The following RPS6KA2 variants were observed in gnomAD, a reference collection of about 807,000 sequenced individuals.
RPS6KA2 encodes ribosomal protein S6 kinase alpha-2.
In RPS6KA2, 42 loss-of-function variants were observed where a neutral mutation model predicts 91.8. The observed-to-expected ratio is 0.46, with a 90% CI of 0.36 to 0.59. RPS6KA2 has a LOEUF of 0.59. Ranked by LOEUF, RPS6KA2 falls within the 20% of genes least tolerant of loss-of-function variation. The probability of loss-of-function intolerance (pLI) is 0.00; values close to 1 mark genes in which losing one functional copy is unlikely to be tolerated. For synonymous variants in RPS6KA2, 414 were observed against 393.6 expected (o/e 1.05, Z -0.61); for missense variants, 798 against 978.5 (o/e 0.82, Z 2.46).
chr6:166,689,624 G>T (rs1193543682), intron 2 of RPS6KA2, among the ~76,000 whole-genome samples: 1 of 152,178 alleles, frequency 6.6e-6, no homozygotes, highest in Non-Finnish European at 1.5e-5. Flanking sequence ...CCCCAGGCAG[G>T]CCAGGGGGAC....
At chr6:166,700,491 CA>C (rs539107212) in intron 2 of RPS6KA2, among the ~76,000 whole-genome samples, 27,351 of 147,020 alleles carry the variant, frequency 0.19, 2,534 homozygotes, top group African/African-American at 0.21. Context: ...ATAAAATTTT[CA>C]AAAAAAAAAG....
intron 2 of RPS6KA2, among the ~76,000 whole-genome samples, chr6:166,824,805 C>CTGTG (rs1562458600): frequency 7.0e-4 from 14 of 20,024 alleles, no homozygotes; most frequent in African/African-American, 1.5e-3. Context: ...GTCTGTGTGT[C>CTGTG]TATGTGTGTC....
intron 3 of RPS6KA2, among the ~76,000 whole-genome samples, chr6:166,520,766 A>G (rs996391378): frequency 6.6e-6 from 1 of 152,240 alleles, no homozygotes; most frequent in Non-Finnish European, 1.5e-5. Flanking sequence ...GAAGGCCTAC[A>G]TCTTCTTAGG....
chr6:166,563,454 A>G lies in RPS6KA2; in HGVS notation c.100-24670T>C, dbSNP rs1328393397. Among the ~76,000 whole-genome samples the G allele has an allele frequency of 2.6e-5, 4 of 152,066 alleles. No individual in the cohort carries two copies. Among genetic ancestry groups the G allele is most frequent in the Non-Finnish European group, 4.4e-5 (3 of 67,990 alleles). On this transcript the variant is annotated intron_variant, in intron 1 of 20. Transcript: ENST00000265678. The surrounding 1 kb of genome is among the most constrained non-coding windows in gnomAD (Gnocchi z 4.1). ...GCCTCTTCCTTCCTCCTGGTGACAG[A>G]TGCCCCCTGCCACCCCCAGGGGCTG... is the stretch of plus-strand genomic sequence containing the variant.
chr6:166,496,044 G>C (rs908749618), intron 8 of RPS6KA2, among the ~76,000 whole-genome samples: 1 of 151,918 alleles, frequency 6.6e-6, no homozygotes, highest in Non-Finnish European at 1.5e-5. Flanking sequence ...TTGTCTTTTC[G>C]GTTTGCAGTG....
intron 16 of RPS6KA2, among the ~76,000 whole-genome samples, chr6:166,428,005 A>C (rs901892155): frequency 6.6e-6 from 1 of 151,620 alleles, no homozygotes. Flanking sequence ...AGTCAATCCT[A>C]AGCCAAAAGA....
At chr6:166,489,013 G>A (rs564522807) in intron 9 of RPS6KA2, 92 bp from the exon 10 acceptor site, 14 of 1,083,114 alleles carry the variant, frequency 1.3e-5, no homozygotes, top group Middle Eastern at 2.0e-4. Flanking sequence ...GACCTCAATC[G>A]CAGTCACCCA....
At chr6:166,550,816 C>A (rs911616830) in intron 1 of RPS6KA2, among the ~76,000 whole-genome samples, 1 of 151,948 alleles carries the variant, frequency 6.6e-6, no homozygotes, top group Admixed American at 6.6e-5. Context: ...TCCTGGCTAA[C>A]ACGGTGAAAC....
chr6:166,479,433 C>T (rs576940550), intron 10 of RPS6KA2, among the ~76,000 whole-genome samples: 175 of 152,302 alleles, frequency 1.1e-3, no homozygotes, highest in African/African-American at 3.9e-3. Flanking sequence ...GCCAGGGGGG[C>T]GGCCCCGGCC....
At chr6:166,837,524 C>T (rs772334636) in intron 2 of RPS6KA2, among the ~76,000 whole-genome samples, 2 of 152,230 alleles carry the variant, frequency 1.3e-5, no homozygotes, top group African/African-American at 2.4e-5. Context: ...GAGGGCTCCC[C>T]GCTCCTGCCT....
chr6:166,483,720 G>C (rs1781314579), intron 10 of RPS6KA2, among the ~76,000 whole-genome samples: 4 of 152,292 alleles, frequency 2.6e-5, no homozygotes, highest in Admixed American at 2.0e-4. Flanking sequence ...GAGGACCCAG[G>C]CCTCTGCGAC....
rs1781569401 is a variant in RPS6KA2 at position 166,490,993 on chromosome 6, C to T, written c.748-252G>A. Among the ~76,000 whole-genome samples, 1 of 152,210 alleles carries T rather than the reference C, an allele frequency of 6.6e-6. No individual in the cohort carries two copies. Among genetic ancestry groups the T allele is most frequent in the Non-Finnish European group, 1.5e-5 (1 of 68,038 alleles). On this transcript the variant is annotated intron_variant, in intron 8 of 20. Transcript: ENST00000265678. The surrounding 1 kb of genome is among the most constrained non-coding windows in gnomAD (Gnocchi z 4.2). ...ATAATCACACTCTGTGGCAGGCCAGCAGGCCCCGAGTACGACAGAGAAAAG... is the reference window on the plus strand; with the variant it reads ...ATAATCACACTCTGTGGCAGGCCAGTAGGCCCCGAGTACGACAGAGAAAAG...
In RPS6KA2 at chr6:166,830,684, T is replaced by C. The variant is rs145195697; in HGVS notation, c.123+27516A>G. On this transcript the variant is annotated intron_variant, in intron 2 of 21. Coordinates refer to the RPS6KA2 transcript ENST00000503859. ...CTGCCTTAGCGTGTGAGCCCACAGC[T>C]TTCTGCTGTGGGTTCTGACATTTCT... is the stretch of plus-strand genomic sequence containing the variant. Among the ~76,000 whole-genome samples, 447 of 152,234 alleles carry C rather than the reference T, an allele frequency of 2.9e-3. 3 individuals are homozygous for C. The highest frequency in any genetic ancestry group is 0.01 in the African/African-American group (429 of 41,532).
chr6:166,475,855 G>C (rs766392493), intron 10 of RPS6KA2: 2 of 527,172 alleles, frequency 3.8e-6, no homozygotes, highest in Admixed American at 2.0e-5. Flanking sequence ...GAGTGTAAGA[G>C]AGGAATGAGA....
At chr6:166,573,934 C>T (rs570501333) in intron 1 of RPS6KA2, among the ~76,000 whole-genome samples, 6 of 152,272 alleles carry the variant, frequency 3.9e-5, no homozygotes, top group South Asian at 2.1e-4. Context: ...TCAAAGGGAA[C>T]GCCGACCCAC....
chr6:166,644,272 G>C (rs1179200192), intron 2 of RPS6KA2, among the ~76,000 whole-genome samples: 1 of 152,030 alleles, frequency 6.6e-6, no homozygotes, highest in Non-Finnish European at 1.5e-5. Flanking sequence ...AAAAGAAAGG[G>C]AATTATCTAG....
At chr6:166,647,772 T>C (rs1257846920) in intron 2 of RPS6KA2, among the ~76,000 whole-genome samples, 1 of 148,536 alleles carries the variant, frequency 6.7e-6, no homozygotes, top group South Asian at 2.2e-4. Context: ...ACGCACATGC[T>C]CATACACACA....
At chr6:166,519,479 G>A (rs557751119) in intron 3 of RPS6KA2, among the ~76,000 whole-genome samples, 4 of 152,178 alleles carry the variant, frequency 2.6e-5, no homozygotes, top group African/African-American at 7.2e-5. Context: ...GCCGCGTTTC[G>A]GGTTTGGATG....
chr6:166,479,161 C>A (rs532402409), intron 10 of RPS6KA2, among the ~76,000 whole-genome samples: 13 of 152,314 alleles, frequency 8.5e-5, no homozygotes, highest in African/African-American at 2.9e-4. Context: ...GGCATTTGTG[C>A]GCGTCTGGGC....
Sources: gnomAD v4.1 joint callset for allele counts (sites outside exome capture counted in the v4.1 genomes callset) on GRCh38, gnomAD v4.1.1 for gene constraint, Gnocchi (gnomAD v3.1) non-coding constraint, MANE v1.5 for transcripts, NCBI Gene and HGNC (gene_info 2026-07-23, HGNC 2026-07-21) for gene names.